Variants in LRP5 observed in about 807,000 individuals in gnomAD.
LRP5 encodes LDL receptor related protein 5.
LRP5 carries 62 observed loss-of-function variants against 154.1 expected under a neutral mutation model. The ratio of observed to expected loss-of-function variants is 0.40; its 90% CI spans 0.33 to 0.50. The LOEUF is 0.50. Ranked by LOEUF, LRP5 falls within the 20% of genes least tolerant of loss-of-function variation. The pLI is 0.55. For missense variants in LRP5, 1,915 were observed against 2,336.7 expected (o/e 0.82, Z 3.72); for synonymous variants, 966 against 1,011.5 (o/e 0.96, Z 0.85).
At chr11:68,347,824 C>CA in intron 1 of LRP5, 23 bp from the exon 2 acceptor site, 1 of 1,612,352 alleles carries the variant, frequency 6.2e-7, no homozygotes, top group Non-Finnish European at 8.5e-7. Flanking sequence ...CAGTGGCCCT[C>CA]ACGGTTTGCT....
chr11:68,312,345 C>G (rs899495905), upstream of LRP5, among the ~76,000 whole-genome samples: 3 of 151,846 alleles, frequency 2.0e-5, no homozygotes, highest in African/African-American at 7.2e-5. Flanking sequence ...CTCCGGGCCC[C>G]GATCGGCCGC....
At chr11:68,305,792 G>C in the LRP5 span, among the ~76,000 whole-genome samples, 210 of 152,294 alleles carry the variant, frequency 1.4e-3, no homozygotes, top group Middle Eastern at 0.01. Context: ...CACTGCACAA[G>C]CCACTACCTC....
Position 68,426,042 on chromosome 11 carries a change from C to T in LRP5, c.3492C>T (p.Gly1164=). 6.2e-7 allele frequency: 1 copy of T among 1,613,646 alleles called. No individual in the cohort carries two copies. The highest frequency in any genetic ancestry group is 8.5e-7 in the Non-Finnish European group (1 of 1,180,018). ...IVQPLGLTIL[G]KHLYWIDRQQ... ...AGCCTCTGGGCCTGACCATCCTTGG[C>T]AAGCATCTCTACTGGATCGACCGCC... The change falls in exon 16 of 23, where the codon GGC becomes GGT. Residue 1164 remains glycine (G), a synonymous_variant. Transcript: ENST00000294304.
chr11:68,367,014 G>A (rs1203773141), intron 5 of LRP5, among the ~76,000 whole-genome samples: 105 of 152,098 alleles, frequency 6.9e-4, no homozygotes, highest in African/African-American at 2.4e-3. Context: ...GTGGGTGGGG[G>A]AGACGGCACA....
Position 68,406,863 on chromosome 11 carries a change from G to C in LRP5, c.2091+50G>C, listed in dbSNP as rs754965132. On this transcript the variant is annotated intron_variant, in intron 9 of 22. Coordinates refer to ENST00000294304, the MANE Select transcript of LRP5 (RefSeq NM_002335.4). ...CAGGCAGCCTTTATGGGAAAACCTT[G>C]CCTCTGTTCCTGCCTCAAAGGCTTC... The C allele has an allele frequency of 1.3e-5, 21 of 1,591,652 alleles. No individual in the cohort carries two copies. The Admixed American group carries it at 3.6e-4, about 27-fold the overall frequency.
intron 5 of LRP5, among the ~76,000 whole-genome samples, chr11:68,368,741 G>A (rs2098632452): frequency 6.6e-6 from 1 of 152,046 alleles, no homozygotes; most frequent in Non-Finnish European, 1.5e-5. Context: ...GTGGGTGATC[G>A]AACCGTAAGG....
At chr11:68,375,499 C>G (rs1306997643) in intron 5 of LRP5, among the ~76,000 whole-genome samples, 2 of 152,232 alleles carry the variant, frequency 1.3e-5, no homozygotes, top group Non-Finnish European at 2.9e-5. Flanking sequence ...GCCCCCTGCC[C>G]CCGGCCACAG....
rs112375597 is a variant in LRP5 at position 68,363,530 on chromosome 11, A to C, written c.687-217A>C. 0.024 allele frequency among the ~76,000 whole-genome samples: 3,696 copies of C among 152,082 alleles called. 143 individuals carry two copies. The highest frequency in any genetic ancestry group is 0.084 in the African/African-American group (3,465 of 41,468). On this transcript the variant is annotated intron_variant, in intron 3 of 22. Coordinates refer to ENST00000294304, the MANE Select transcript of LRP5 (RefSeq NM_002335.4). ...AAATCATCTGGGCGTAGTGGTGGGC[A>C]TCAGTGATCCCAGCTACTCGGGAGG...
rs77697499 is a variant in LRP5 at position 68,398,103 on chromosome 11, G to A, written c.1585-5380G>A. 2.6e-5 allele frequency among the ~76,000 whole-genome samples: 4 copies of A among 152,278 alleles called. No individual in the cohort carries two copies. The East Asian group carries it at 7.7e-4, about 29-fold the overall frequency. On this transcript the variant is annotated intron_variant, in intron 7 of 22. Transcript: ENST00000294304. ...TTTTGGGTTTTGTGTTCAACAGAGTGGGGTACTTCTTCCCTCAGACAACAG... is the reference window on the plus strand; with the variant it reads ...TTTTGGGTTTTGTGTTCAACAGAGTAGGGTACTTCTTCCCTCAGACAACAG...
chr11:68,366,304 TC>T (rs2098631043), intron 5 of LRP5, among the ~76,000 whole-genome samples: 1 of 151,674 alleles, frequency 6.6e-6, no homozygotes, highest in Non-Finnish European at 1.5e-5. Flanking sequence ...TGTGCCGGTG[TC>T]CCACTCGGGA....
intron 9 of LRP5, among the ~76,000 whole-genome samples, chr11:68,408,365 A>G (rs1399421294): frequency 6.7e-5 from 10 of 150,254 alleles, no homozygotes; most frequent in Admixed American, 6.1e-4. Flanking sequence ...TACAGGCGTG[A>G]GCCACCATGC....
chr11:68,436,940 T>A lies in LRP5; in HGVS notation c.4052T>A (p.Ile1351Asn). The A allele has an allele frequency of 6.2e-7, 1 of 1,613,912 alleles. No individual in the cohort carries two copies. Among genetic ancestry groups the A allele is most frequent in the Non-Finnish European group, 8.5e-7 (1 of 1,179,974 alleles). ...FRCASGQCVL[I>N]KQQCDSFPDC... ...TGTGCGAGCGGCCAGTGTGTCCTCATCAAACAGCAGTGCGACTCCTTCCCC... is the reference window on the plus strand; with the variant it reads ...TGTGCGAGCGGCCAGTGTGTCCTCAACAAACAGCAGTGCGACTCCTTCCCC... The change falls in exon 19 of 23, where the codon ATC (isoleucine) becomes AAC (asparagine). Residue 1351 changes from isoleucine (I) to asparagine (N), a missense_variant. Coordinates refer to ENST00000294304, the MANE Select transcript of LRP5 (RefSeq NM_002335.4).
At chr11:68,405,118 A>G (rs1389775109) in intron 8 of LRP5, among the ~76,000 whole-genome samples, 1 of 151,546 alleles carries the variant, frequency 6.6e-6, no homozygotes, top group Non-Finnish European at 1.5e-5. Flanking sequence ...GTATCGTACC[A>G]CTGCCCTCCA....
At chr11:68,384,773 G>A (rs1442480580) in intron 5 of LRP5, among the ~76,000 whole-genome samples, 1 of 152,128 alleles carries the variant, frequency 6.6e-6, no homozygotes, top group Non-Finnish European at 1.5e-5. Flanking sequence ...AGAGAATCCT[G>A]TAACCCCCCA....
chr11:68,318,970 C>G (rs1226408412), intron 1 of LRP5, among the ~76,000 whole-genome samples: 2 of 152,192 alleles, frequency 1.3e-5, no homozygotes, highest in African/African-American at 4.8e-5. Flanking sequence ...CGTTTTTTCT[C>G]CCTTCAGGAT....
chr11:68,439,779 A>ATCCATGCC lies in LRP5; in HGVS notation c.4353_4354insCATGCCTC (p.Ala1452HisfsTer9). On this transcript the variant is annotated frameshift_variant, in exon 21 of 23. Transcript: ENST00000294304. LOFTEE classifies it high-confidence loss of function. ...CTCCCCCGTCCCTTCCCTGCCAGGC[A>ATCCATGCC]TCGCATGCGGAAAGTCCATGATGAG... 1 of 1,610,810 alleles carries ATCCATGCC rather than the reference A, an allele frequency of 6.2e-7. No individual in the cohort carries two copies. Among genetic ancestry groups the ATCCATGCC allele is most frequent in the Non-Finnish European group, 8.5e-7 (1 of 1,179,286 alleles).
chr11:68,339,412 A>G (rs967372695), intron 1 of LRP5, among the ~76,000 whole-genome samples: 10 of 152,034 alleles, frequency 6.6e-5, no homozygotes, highest in Non-Finnish European at 1.2e-4. Context: ...CAGTGGTGCA[A>G]TCTCAGCTCA....
chr11:68,421,304 TAA>T (rs2098665504), intron 13 of LRP5, among the ~76,000 whole-genome samples: 1 of 151,974 alleles, frequency 6.6e-6, no homozygotes, highest in African/African-American at 2.4e-5. Flanking sequence ...GCCAGCCGCG[TAA>T]AGTTTGCTGT....
intron 2 of LRP5, among the ~76,000 whole-genome samples, chr11:68,356,929 C>A (rs2153135531): frequency 6.7e-6 from 1 of 149,754 alleles, no homozygotes; most frequent in East Asian, 1.9e-4. Flanking sequence ...TAGATCATTT[C>A]TTTTCTTTTC....
Sources: gnomAD v4.1 joint callset for allele counts (sites outside exome capture counted in the v4.1 genomes callset) on GRCh38, gnomAD v4.1.1 for gene constraint, MANE v1.5 for transcripts, NCBI Gene and HGNC (gene_info 2026-07-23, HGNC 2026-07-21) for gene names.